NRXN3: variants seen among roughly 807,000 people sequenced by gnomAD.
NRXN3 encodes the protein neurexin III.
Under a neutral mutation model 137.6 loss-of-function variants are expected in NRXN3, and 32 were observed. The ratio of observed to expected loss-of-function variants is 0.23; its 90% confidence interval spans 0.18 to 0.31. The LOEUF is 0.31. NRXN3 is among the 10% of genes least tolerant of loss of function. The probability of loss-of-function intolerance (pLI) is 1.00; values close to 1 mark genes in which losing one functional copy is unlikely to be tolerated. For synonymous variants in NRXN3, 798 were observed against 784.5 expected (o/e 1.02, Z -0.29); for missense variants, 1,574 against 2,062.5 (o/e 0.76, Z 4.59).
At chr14:78,178,547 C>G (rs991968333) in intron 1 of NRXN3, among the ~76,000 whole-genome samples, 1 of 152,178 alleles carries the variant, frequency 6.6e-6, no homozygotes, top group East Asian at 1.9e-4. Flanking sequence ...GCCTATTTGT[C>G]TCTGCTTTGC....
chr14:78,889,285 G>C (rs1252282379), intron 10 of NRXN3, among the ~76,000 whole-genome samples: 1 of 151,914 alleles, frequency 6.6e-6, no homozygotes, highest in African/African-American at 2.4e-5. Flanking sequence ...CTTCACTGGG[G>C]AAATGTCTAG....
At chr14:78,419,939 G>T (rs192823680) in intron 4 of NRXN3, among the ~76,000 whole-genome samples, 1 of 94,728 alleles carries the variant, frequency 1.1e-5, no homozygotes, top group African/African-American at 5.3e-5. Flanking sequence ...CTGTGTGCAC[G>T]TGTGTGCGCG....
intron 4 of NRXN3, among the ~76,000 whole-genome samples, chr14:78,401,251 G>A (rs1350116076): frequency 1.3e-4 from 20 of 152,022 alleles, no homozygotes; most frequent in Admixed American, 1.3e-3. Context: ...TGCAGCCACC[G>A]CCTCCTGGGT....
chr14:79,512,443 G>A (rs1044314757), intron 16 of NRXN3, among the ~76,000 whole-genome samples: 12 of 152,094 alleles, frequency 7.9e-5, no homozygotes, highest in Non-Finnish European at 5.9e-5. Flanking sequence ...CATAAAATAA[G>A]TAATCTATAA....
intron 20 of NRXN3, among the ~76,000 whole-genome samples, chr14:79,855,685 G>A (rs777831115): frequency 6.6e-6 from 1 of 152,002 alleles, no homozygotes; most frequent in Non-Finnish European, 1.5e-5. Flanking sequence ...ATAAAAAAGG[G>A]TTAGAAGAAA....
chr14:78,719,696 G>T (rs1298786400), intron 8 of NRXN3, among the ~76,000 whole-genome samples: 1 of 152,098 alleles, frequency 6.6e-6, no homozygotes, highest in African/African-American at 2.4e-5. Flanking sequence ...ACAAAAATTA[G>T]CTGGGCTTGG....
In NRXN3 at chr14:79,832,048, T is replaced by C. The variant is rs2099325545; in HGVS notation, c.4093+26858T>C. Among the ~76,000 whole-genome samples the C allele has an allele frequency of 3.9e-5, 6 of 152,276 alleles. No individual in the cohort carries two copies. In the South Asian group the frequency reaches 1.2e-3, roughly 32 times the overall value. ...CAAAATCTGCAGACGCTCAAATCTC[T>C]TACATAAAATGGTGCAGTGTGTACA... On this transcript the variant is annotated intron_variant, in intron 20 of 20. Coordinates refer to ENST00000335750, the MANE Select transcript of NRXN3 (RefSeq NM_001330195.2).
At chr14:79,493,512 T>C (rs2096737077) in intron 16 of NRXN3, among the ~76,000 whole-genome samples, 1 of 152,228 alleles carries the variant, frequency 6.6e-6, no homozygotes, top group African/African-American at 2.4e-5. Context: ...CCTTCCAGCA[T>C]AGCTGGGTAG....
At chr14:79,396,926 G>A (rs930713041) in intron 15 of NRXN3, among the ~76,000 whole-genome samples, 13 of 152,044 alleles carry the variant, frequency 8.6e-5, no homozygotes, top group African/African-American at 3.1e-4. Context: ...TCCCACTGAA[G>A]AAAGAAAATC....
At chr14:78,792,889 A>C (rs559667875) in intron 8 of NRXN3, among the ~76,000 whole-genome samples, 2 of 152,334 alleles carry the variant, frequency 1.3e-5, no homozygotes, top group African/African-American at 4.8e-5. Context: ...AACACTAAAG[A>C]GTTCTTTTTT....
chr14:78,237,949 C>T (rs527316782), intron 1 of NRXN3, among the ~76,000 whole-genome samples: 7 of 152,164 alleles, frequency 4.6e-5, no homozygotes, highest in Non-Finnish European at 8.8e-5. Context: ...CAGTCATCAT[C>T]GTGACTTCCT....
intron 2 of NRXN3, among the ~76,000 whole-genome samples, chr14:78,275,723 G>A (rs976853161): frequency 6.6e-6 from 1 of 152,132 alleles, no homozygotes; most frequent in African/African-American, 2.4e-5. Context: ...TGAGTCACAT[G>A]ACTACTACCC....
In NRXN3 at chr14:79,284,575, A is replaced by C. The variant is rs183405607; in HGVS notation, c.3263-182646A>C. The stretch of plus-strand genomic sequence containing the variant: ...GGAACTCTTGGAAAGCTCAGTTTTA[A>C]AAGGGAACACACCACGCTATATTTG... On this transcript the variant is annotated intron_variant, in intron 15 of 20. Coordinates refer to ENST00000335750, the MANE Select transcript of NRXN3 (RefSeq NM_001330195.2). 2.3e-3 allele frequency among the ~76,000 whole-genome samples: 350 copies of C among 151,936 alleles called. 1 individual carries two copies. Among genetic ancestry groups the C allele is most frequent in the African/African-American group, 7.8e-3 (323 of 41,422 alleles).
intron 15 of NRXN3, among the ~76,000 whole-genome samples, chr14:79,025,997 C>T (rs372466995): frequency 6.6e-6 from 1 of 152,032 alleles, no homozygotes; most frequent in East Asian, 1.9e-4. Context: ...CAGCAGAAGT[C>T]CAGGTATGTC....
intron 15 of NRXN3, among the ~76,000 whole-genome samples, chr14:79,128,332 T>A (rs1338386403): frequency 6.9e-6 from 1 of 145,842 alleles, no homozygotes; most frequent in Non-Finnish European, 1.5e-5. Context: ...ATAGCTCTTA[T>A]TATTTTGAGA....
At chr14:79,108,273 G>T (rs928087798) in intron 15 of NRXN3, among the ~76,000 whole-genome samples, 1 of 152,168 alleles carries the variant, frequency 6.6e-6, no homozygotes, top group African/African-American at 2.4e-5. Flanking sequence ...GAATACTCAT[G>T]AAATTATAGA....
intron 2 of NRXN3, among the ~76,000 whole-genome samples, chr14:78,258,242 G>T (rs1430390306): frequency 6.6e-6 from 1 of 152,180 alleles, no homozygotes; most frequent in East Asian, 1.9e-4. Flanking sequence ...GAGAAAGACA[G>T]AGCTTCAATA....
At chr14:78,337,995 A>G (rs987248735) in intron 4 of NRXN3, among the ~76,000 whole-genome samples, 8 of 152,134 alleles carry the variant, frequency 5.3e-5, no homozygotes, top group Admixed American at 2.0e-4. Flanking sequence ...CTGGAGGTAC[A>G]TGGATGGGGG....
intron 4 of NRXN3, among the ~76,000 whole-genome samples, chr14:78,636,385 GA>G (rs1426893736): frequency 6.6e-6 from 1 of 152,116 alleles, no homozygotes; most frequent in African/African-American, 2.4e-5. Context: ...AAGCCTTGTA[GA>G]AAGAAATAGA....
Sources: gnomAD v4.1 joint callset for allele counts (sites outside exome capture counted in the v4.1 genomes callset) on GRCh38, gnomAD v4.1.1 for gene constraint, MANE v1.5 for transcripts, NCBI Gene and HGNC (gene_info 2026-07-23, HGNC 2026-07-21) for gene names.